RBFOX1: variants seen among roughly 807,000 people sequenced by gnomAD.
RBFOX1 encodes the protein RNA binding fox-1 homolog 1.
Under a neutral mutation model 57.7 loss-of-function variants are expected in RBFOX1, and 8 were observed. The observed-to-expected ratio is 0.14, with a 90% CI of 0.08 to 0.25. The LOEUF (loss-of-function observed/expected upper bound fraction) is 0.25, where lower values mean the gene tolerates loss of function less well. Ranked by LOEUF, RBFOX1 falls within the 10% of genes least tolerant of loss-of-function variation. The pLI, the probability that RBFOX1 is intolerant of heterozygous loss-of-function variation, is 1.00. For missense variants in RBFOX1, 611 were observed against 548.5 expected, an observed-to-expected ratio of 1.11 and a Z score of -1.14; for synonymous variants, 326 against 222.4, an observed-to-expected ratio of 1.47 and a Z score of -4.15.
At chr16:7,492,986 C>A (rs1321470880) in intron 4 of RBFOX1, among the ~76,000 whole-genome samples, 1 of 152,192 alleles carries the variant, frequency 6.6e-6, no homozygotes, top group Non-Finnish European at 1.5e-5. Flanking sequence ...TCAAGCGATT[C>A]TCCTGCCTCA....
intron 3 of RBFOX1, among the ~76,000 whole-genome samples, chr16:6,919,585 G>A (rs558793880): frequency 6.6e-6 from 1 of 151,858 alleles, no homozygotes; most frequent in South Asian, 2.1e-4. Context: ...CTTGAAATTT[G>A]TTTTAAAGGA....
chr16:6,927,488 CCT>C (rs1290733491), intron 3 of RBFOX1, among the ~76,000 whole-genome samples: 3 of 145,586 alleles, frequency 2.1e-5, no homozygotes, highest in African/African-American at 7.6e-5. Context: ...AAAAATGTTT[CCT>C]CTCTTTCTTT....
intron 1 of RBFOX1, among the ~76,000 whole-genome samples, chr16:5,343,103 G>T (rs1029558398): frequency 4.6e-5 from 7 of 152,100 alleles, no homozygotes; most frequent in African/African-American, 7.2e-5. Context: ...TAGGACTTTT[G>T]TTCTTTGGCC....
intron 11 of RBFOX1, among the ~76,000 whole-genome samples, chr16:7,651,561 G>C (rs1341779638): frequency 1.3e-5 from 2 of 152,180 alleles, no homozygotes; most frequent in African/African-American, 4.8e-5. Flanking sequence ...ATGTGGAAAG[G>C]ACTCTGAATA....
At chr16:5,970,969 C>G (rs962426692) in intron 4 of RBFOX1, among the ~76,000 whole-genome samples, 2 of 152,210 alleles carry the variant, frequency 1.3e-5, no homozygotes, top group Non-Finnish European at 2.9e-5. Flanking sequence ...GATGTTTTTC[C>G]TCAACCATCT....
intron 5 of RBFOX1, among the ~76,000 whole-genome samples, chr16:7,553,153 T>C (rs1209403516): frequency 3.3e-5 from 5 of 152,112 alleles, no homozygotes; most frequent in African/African-American, 7.2e-5. Context: ...TTTATTTCTT[T>C]CTCTTTTTAG....
At chr16:5,762,547 A>G (rs1369345456) in intron 3 of RBFOX1, among the ~76,000 whole-genome samples, 1 of 152,122 alleles carries the variant, frequency 6.6e-6, no homozygotes, top group Admixed American at 6.5e-5. Flanking sequence ...CGGCAATTCC[A>G]CTTTGGGAAA....
upstream of RBFOX1, among the ~76,000 whole-genome samples, chr16:6,017,746 C>T (rs772957696): frequency 6.6e-6 from 1 of 152,086 alleles, no homozygotes; most frequent in East Asian, 1.9e-4. Flanking sequence ...TGAAAGAAAC[C>T]GCAGCCCGAT....
chr16:5,434,749 G>C (rs1219297890), intron 1 of RBFOX1, among the ~76,000 whole-genome samples: 2 of 152,056 alleles, frequency 1.3e-5, no homozygotes. Context: ...GCAATACCTT[G>C]TCCTTTGTCT....
intron 4 of RBFOX1, among the ~76,000 whole-genome samples, chr16:7,388,812 G>C (rs2097933277): frequency 6.6e-6 from 1 of 151,962 alleles, no homozygotes; most frequent in South Asian, 2.1e-4. Flanking sequence ...TAAGTGTTTT[G>C]AGCTTCTTTA....
rs1370236839 is a variant in RBFOX1, at chr16:5,766,661, C to T, written c.319-100642C>T. Among the ~76,000 whole-genome samples the T allele has an allele frequency of 2.6e-5, 4 of 152,110 alleles. No individual in the cohort carries two copies. In the East Asian group the frequency reaches 5.8e-4, roughly 22 times the overall value. ...CACTACCATGAGGACAGCACCAAGA[C>T]ATGAGGGATCCCCCCCCAGGACCCA... On this transcript the variant is annotated intron_variant, in intron 3 of 19. Coordinates refer to the RBFOX1 transcript ENST00000641259.
chr16:5,896,957 C>A (rs921706898), intron 4 of RBFOX1, among the ~76,000 whole-genome samples: 7 of 149,578 alleles, frequency 4.7e-5, no homozygotes, highest in Non-Finnish European at 7.4e-5. Flanking sequence ...CTACGTTACC[C>A]CCGCTATTTT....
chr16:7,274,562 C>G (rs1222632179), intron 4 of RBFOX1, among the ~76,000 whole-genome samples: 2 of 152,184 alleles, frequency 1.3e-5, no homozygotes, highest in African/African-American at 2.4e-5. Flanking sequence ...TAACCTTAAA[C>G]TAATCACTTC....
intron 1 of RBFOX1, among the ~76,000 whole-genome samples, chr16:6,201,578 G>C (rs2097215596): frequency 6.6e-6 from 1 of 152,120 alleles, no homozygotes; most frequent in East Asian, 1.9e-4. Flanking sequence ...ACAGTTGATA[G>C]AATGAATGAG....
rs145281609 is a variant in RBFOX1 at position 7,239,785 on chromosome 16, A to C, written c.27+187687A>C. On this transcript the variant is annotated intron_variant, in intron 4 of 15. Transcript: ENST00000550418. ...CAGCAGTAACTCACTTAGGGATGAA[A>C]ATGGGGCATTTGGCTTATAAGAAGA... Among the ~76,000 whole-genome samples the C allele has an allele frequency of 5.3e-5, 8 of 152,284 alleles. No homozygotes were observed. The East Asian group carries it at 1.5e-3, about 29-fold the overall frequency.
intron 1 of RBFOX1, among the ~76,000 whole-genome samples, chr16:5,264,248 A>C (rs983823258): frequency 1.3e-5 from 2 of 152,180 alleles, no homozygotes; most frequent in African/African-American, 4.8e-5. Context: ...ATCAAGGGGC[A>C]TTAGAATCAA....
chr16:7,082,624 A>C (rs996693414), intron 4 of RBFOX1, among the ~76,000 whole-genome samples: 9 of 152,182 alleles, frequency 5.9e-5, no homozygotes, highest in African/African-American at 2.2e-4. Context: ...GAGTTTATCA[A>C]GTCATTTTTC....
intron 3 of RBFOX1, chr16:6,773,817 G>A (rs141575881): frequency 3.1e-4 from 83 of 266,114 alleles, no homozygotes; most frequent in African/African-American, 1.9e-3. Flanking sequence ...TGGTGCATTT[G>A]TGTTGTGGGG....
intron 4 of RBFOX1, among the ~76,000 whole-genome samples, chr16:7,234,836 C>T (rs1003054833): frequency 1.3e-5 from 2 of 151,980 alleles, no homozygotes; most frequent in African/African-American, 4.8e-5. Context: ...ATTTTTGGTA[C>T]GTGGATGTTT....
Sources: allele counts gnomAD v4.1 joint callset (sites outside exome capture counted in the v4.1 genomes callset), GRCh38; gene constraint gnomAD v4.1.1; transcripts MANE v1.5; gene names NCBI Gene and HGNC (gene_info 2026-07-23, HGNC 2026-07-21).